The following KCNMA1 variants were observed in gnomAD, a reference collection of about 807,000 sequenced individuals.
KCNMA1 encodes the protein Calcium-activated potassium channel subunit alpha-1.
A neutral mutation model predicts 140.0 loss-of-function variants in KCNMA1; 29 were observed. The ratio of observed to expected loss-of-function variants is 0.21; its 90% confidence interval spans 0.15 to 0.28. The LOEUF (loss-of-function observed/expected upper bound fraction) is 0.28, where lower values mean the gene tolerates loss of function less well. Ranked by LOEUF, KCNMA1 falls within the 10% of genes least tolerant of loss-of-function variation. The probability of loss-of-function intolerance (pLI) is 1.00; values close to 1 mark genes in which losing one functional copy is unlikely to be tolerated. For missense variants in KCNMA1, 880 were observed against 1,602.2 expected (o/e 0.55, Z 7.70); for synonymous variants, 612 against 611.9 (o/e 1.00, Z 0.00).
At chr10:77,611,351 G>T (rs1335804077) in intron 1 of KCNMA1, among the ~76,000 whole-genome samples, 1 of 152,196 alleles carries the variant, frequency 6.6e-6, no homozygotes, top group East Asian at 1.9e-4. Flanking sequence ...TGTGAACCCA[G>T]AGGCAAACCA....
intron 2 of KCNMA1, among the ~76,000 whole-genome samples, chr10:77,307,787 G>C (rs1166281824): frequency 6.6e-6 from 1 of 152,120 alleles, no homozygotes; most frequent in African/African-American, 2.4e-5. Context: ...CTGACCTCGT[G>C]ATCCACCCTC....
At chr10:77,072,563 G>C (rs547433774) in intron 14 of KCNMA1, among the ~76,000 whole-genome samples, 1 of 152,182 alleles carries the variant, frequency 6.6e-6, no homozygotes, top group South Asian at 2.1e-4. Flanking sequence ...CACTGCTGCC[G>C]AGGACTCAGT....
intron 1 of KCNMA1, among the ~76,000 whole-genome samples, chr10:77,545,464 T>C (rs993176037): frequency 3.3e-5 from 5 of 152,194 alleles, no homozygotes; most frequent in African/African-American, 1.2e-4. Context: ...TGGCACTCTG[T>C]GGGCTGGGTG....
At chr10:77,636,509 G>T (rs1174177614) in intron 1 of KCNMA1, 9 of 1,536,184 alleles carry the variant, frequency 5.9e-6, no homozygotes, top group Non-Finnish European at 7.8e-6. Context: ...GACCCAAAGT[G>T]GGTGGCCTGG....
intron 1 of KCNMA1, among the ~76,000 whole-genome samples, chr10:77,499,422 T>TATAC (rs1390141467): frequency 2.8e-5 from 3 of 105,586 alleles, no homozygotes; most frequent in African/African-American, 9.6e-5. Flanking sequence ...TATATATATA[T>TATAC]ACACACACAC....
At chr10:77,336,446 A>T (rs1250180863) in intron 2 of KCNMA1, among the ~76,000 whole-genome samples, 1 of 152,044 alleles carries the variant, frequency 6.6e-6, no homozygotes, top group Non-Finnish European at 1.5e-5. Context: ...AAAAAAAAGA[A>T]GATGAATGCA....
At chr10:77,559,912 T>C (rs948786279) in intron 1 of KCNMA1, among the ~76,000 whole-genome samples, 6 of 152,052 alleles carry the variant, frequency 3.9e-5, no homozygotes, top group Non-Finnish European at 8.8e-5. Context: ...GCATGGTGGC[T>C]CACACCTATA....
At chr10:76,982,100 G>A (rs914293698) in intron 19 of KCNMA1, among the ~76,000 whole-genome samples, 6 of 152,184 alleles carry the variant, frequency 3.9e-5, no homozygotes, top group African/African-American at 1.4e-4. Flanking sequence ...GTTTAATGTC[G>A]GGCATACCTT....
chr10:76,958,707 CT>C (rs1331859736), intron 20 of KCNMA1, among the ~76,000 whole-genome samples: 1 of 152,112 alleles, frequency 6.6e-6, no homozygotes, highest in African/African-American at 2.4e-5. Flanking sequence ...AGACAGAGAT[CT>C]GCAAGCCAAG....
intron 2 of KCNMA1, among the ~76,000 whole-genome samples, chr10:77,351,075 T>C (rs139908731): frequency 1.2e-3 from 189 of 152,296 alleles, no homozygotes; most frequent in African/African-American, 2.0e-3. Context: ...ACCAGGACAA[T>C]GCTTTCAGGG....
chr10:77,081,093 C>G (rs1240189865), intron 12 of KCNMA1, among the ~76,000 whole-genome samples: 1 of 152,112 alleles, frequency 6.6e-6, no homozygotes, highest in African/African-American at 2.4e-5. Flanking sequence ...CCAGGCCTCA[C>G]GTGTCCTCCC....
intron 1 of KCNMA1, among the ~76,000 whole-genome samples, chr10:77,433,137 G>T (rs1011045546): frequency 6.6e-6 from 1 of 152,048 alleles, no homozygotes; most frequent in South Asian, 2.1e-4. Context: ...TTGTTTATTT[G>T]TCAAGAGAAA....
At chr10:77,351,390 T>C (rs2092861370) in intron 2 of KCNMA1, among the ~76,000 whole-genome samples, 2 of 152,220 alleles carry the variant, frequency 1.3e-5, no homozygotes. Context: ...AGATATTCTC[T>C]GCCAGACTCC....
intron 2 of KCNMA1, among the ~76,000 whole-genome samples, chr10:77,259,754 A>G (rs939562739): frequency 1.3e-5 from 2 of 152,136 alleles, no homozygotes; most frequent in African/African-American, 4.8e-5. Flanking sequence ...CCCTGCCCAC[A>G]GGTATTCTGT....
intron 1 of KCNMA1, among the ~76,000 whole-genome samples, chr10:77,509,345 G>A (rs1055895726): frequency 6.6e-6 from 1 of 152,006 alleles, no homozygotes; most frequent in Non-Finnish European, 1.5e-5. Context: ...TCTCGAACTC[G>A]TGACCTCAGT....
chr10:77,553,338 T>C (rs1038753598), intron 1 of KCNMA1, among the ~76,000 whole-genome samples: 6 of 152,152 alleles, frequency 3.9e-5, no homozygotes, highest in African/African-American at 9.7e-5. Flanking sequence ...AAATGACTCT[T>C]CCCCCATTGG....
chr10:77,086,806 G>A (rs1285328836), intron 10 of KCNMA1, among the ~76,000 whole-genome samples: 1 of 152,140 alleles, frequency 6.6e-6, no homozygotes, highest in African/African-American at 2.4e-5. Context: ...GTAAAAGAAA[G>A]AGGTTCATGG....
chr10:77,015,062 T>C (rs1398956745), intron 17 of KCNMA1, among the ~76,000 whole-genome samples: 1 of 152,108 alleles, frequency 6.6e-6, no homozygotes, highest in Admixed American at 6.5e-5. Flanking sequence ...CTCTCTCCTC[T>C]CCTCTCCACT....
intron 1 of KCNMA1, among the ~76,000 whole-genome samples, chr10:77,559,934 T>C (rs2065815657): frequency 6.6e-6 from 1 of 152,006 alleles, no homozygotes; most frequent in Non-Finnish European, 1.5e-5. Flanking sequence ...TCCCAGCACT[T>C]TGGGAGGCTG....
Sources: allele counts gnomAD v4.1 joint callset (sites outside exome capture counted in the v4.1 genomes callset), GRCh38; gene constraint gnomAD v4.1.1; transcripts MANE v1.5; gene names NCBI Gene and HGNC (gene_info 2026-07-23, HGNC 2026-07-21).